The following SMYD3 variants were observed in gnomAD, a reference collection of about 807,000 sequenced individuals.
SMYD3 encodes the protein histone-lysine N-methyltransferase SMYD3.
A neutral mutation model predicts 57.7 loss-of-function variants in SMYD3; 36 were observed. The ratio of observed to expected loss-of-function variants is 0.62; its 90% confidence interval spans 0.48 to 0.82. SMYD3 has a LOEUF of 0.82. SMYD3 is among the 40% of genes least tolerant of loss of function. The pLI is 0.00. For missense variants in SMYD3, 515 were observed against 538.8 expected (o/e 0.96, Z 0.44); for synonymous variants, 211 against 195.0 (o/e 1.08, Z -0.68).
intron 8 of SMYD3, among the ~76,000 whole-genome samples, chr1:245,871,790 C>T (rs1288348187): frequency 6.6e-6 from 1 of 152,136 alleles, no homozygotes; most frequent in African/African-American, 2.4e-5. Flanking sequence ...TCTAGAGTTA[C>T]TTACGTCCTA....
chr1:246,058,937 T>C (rs1480574511), intron 5 of SMYD3, among the ~76,000 whole-genome samples: 4 of 151,532 alleles, frequency 2.6e-5, no homozygotes, highest in African/African-American at 4.9e-5. Flanking sequence ...TGCAGTGGCA[T>C]GATCTCCGCT....
chr1:245,870,414 T>TG (rs35555759), intron 8 of SMYD3, among the ~76,000 whole-genome samples: 1 of 152,132 alleles, frequency 6.6e-6, no homozygotes, highest in African/African-American at 2.4e-5. Flanking sequence ...AAGGGTTATT[T>TG]GGGGAGTGGG....
At chr1:246,058,185 T>C (rs12118450) in intron 5 of SMYD3, among the ~76,000 whole-genome samples, 1 of 151,966 alleles carries the variant, frequency 6.6e-6, no homozygotes. Context: ...AAACACGGAA[T>C]GTACAACACC....
intron 5 of SMYD3, among the ~76,000 whole-genome samples, chr1:245,961,637 C>T (rs1455299612): frequency 6.6e-6 from 1 of 151,938 alleles, no homozygotes; most frequent in Non-Finnish European, 1.5e-5. Context: ...TTCCCCACTC[C>T]AGCTCTTAAA....
At chr1:246,310,605 A>C (rs1436845885) in intron 5 of SMYD3, among the ~76,000 whole-genome samples, 1 of 152,052 alleles carries the variant, frequency 6.6e-6, no homozygotes, top group Admixed American at 6.6e-5. Flanking sequence ...TGTACGAGCA[A>C]AGCTTGGAAG....
At chr1:246,185,633 T>G in intron 5 of SMYD3, among the ~76,000 whole-genome samples, 1 of 152,038 alleles carries the variant, frequency 6.6e-6, no homozygotes. Flanking sequence ...GGCTAATTTT[T>G]TGTATGTTTA....
intron 1 of SMYD3, among the ~76,000 whole-genome samples, chr1:246,417,912 T>C (rs560003933): frequency 1.3e-5 from 2 of 152,290 alleles, no homozygotes; most frequent in South Asian, 4.1e-4. Context: ...ACTAAACTCC[T>C]TTTTAGTTAG....
intron 5 of SMYD3, among the ~76,000 whole-genome samples, chr1:246,103,829 G>C (rs907249471): frequency 2.6e-5 from 4 of 152,156 alleles, no homozygotes; most frequent in African/African-American, 4.8e-5. Context: ...CCACCCATCT[G>C]CTGATCACTT....
intron 7 of SMYD3, among the ~76,000 whole-genome samples, chr1:245,915,921 C>G (rs902207406): frequency 1.3e-5 from 2 of 151,964 alleles, no homozygotes; most frequent in African/African-American, 4.8e-5. Context: ...TAGTTTTTTT[C>G]ACTACAGGAA....
chr1:246,087,361 C>G (rs998210475), intron 5 of SMYD3, among the ~76,000 whole-genome samples: 18 of 152,196 alleles, frequency 1.2e-4, no homozygotes, highest in African/African-American at 4.3e-4. Flanking sequence ...CTTCCTTAAT[C>G]ATCTCTAGAA....
chr1:246,054,155 A>G (rs900459712), intron 5 of SMYD3, among the ~76,000 whole-genome samples: 4 of 152,254 alleles, frequency 2.6e-5, no homozygotes, highest in African/African-American at 9.6e-5. Context: ...ATGGCAAAAA[A>G]GCACTTAAAA....
At chr1:245,962,012 G>A (rs1384009540) in intron 5 of SMYD3, among the ~76,000 whole-genome samples, 1 of 152,134 alleles carries the variant, frequency 6.6e-6, no homozygotes, top group Non-Finnish European at 1.5e-5. Context: ...TTGCAGATGG[G>A]CAAACTGAGG....
At chr1:245,801,324 T>C (rs1242679005) in intron 10 of SMYD3, among the ~76,000 whole-genome samples, 3 of 152,234 alleles carry the variant, frequency 2.0e-5, no homozygotes, top group Non-Finnish European at 4.4e-5. Context: ...GTTAAGTGGT[T>C]GCAAACTGTT....
intron 10 of SMYD3, among the ~76,000 whole-genome samples, chr1:245,775,311 T>C (rs550898341): frequency 6.6e-6 from 1 of 152,220 alleles, no homozygotes; most frequent in South Asian, 2.1e-4. Context: ...GAAATCAGAT[T>C]GTTGCTGTGT....
chr1:246,184,591 A>T (rs1481416496), intron 5 of SMYD3, among the ~76,000 whole-genome samples: 1 of 152,140 alleles, frequency 6.6e-6, no homozygotes, highest in Admixed American at 6.5e-5. Context: ...CTCTGATTCT[A>T]TTTGGAGAAG....
rs144784099 is a variant in SMYD3 at position 245,981,135 on chromosome 1, G to A, written c.532-51198C>T. Among the ~76,000 whole-genome samples the A allele has an allele frequency of 4.7e-3, 712 of 152,312 alleles. 9 individuals are homozygous for A. Among genetic ancestry groups the A allele is most frequent in the African/African-American group, 0.016 (666 of 41,568 alleles). On this transcript the variant is annotated intron_variant, in intron 5 of 11. Coordinates refer to ENST00000490107, the MANE Select transcript of SMYD3 (RefSeq NM_001167740.2). ...TTATCTGGGTCAGACCTATCTAGAC[G>A]ATGACCTACCTGATTTATAGTAGGT...
intron 10 of SMYD3, among the ~76,000 whole-genome samples, chr1:245,768,601 G>A (rs1354833483): frequency 6.6e-6 from 1 of 152,208 alleles, no homozygotes; most frequent in Non-Finnish European, 1.5e-5. Context: ...AAATTCAGAT[G>A]CTGAAACTTA....
chr1:246,141,552 A>C (rs1011871218), intron 5 of SMYD3, among the ~76,000 whole-genome samples: 1 of 152,192 alleles, frequency 6.6e-6, no homozygotes, highest in South Asian at 2.1e-4. Context: ...AGCCAACAAA[A>C]GCAACAGCAG....
intron 10 of SMYD3, among the ~76,000 whole-genome samples, chr1:245,822,195 C>T (rs1364582427): frequency 6.6e-6 from 1 of 152,048 alleles, no homozygotes; most frequent in Non-Finnish European, 1.5e-5. Context: ...GGCACATATA[C>T]ACCATGGAAT....
Sources: allele counts gnomAD v4.1 joint callset (sites outside exome capture counted in the v4.1 genomes callset), GRCh38; gene constraint gnomAD v4.1.1; transcripts MANE v1.5; gene names NCBI Gene and HGNC (gene_info 2026-07-23, HGNC 2026-07-21).